The following TMEM131L variants were observed in gnomAD, a reference collection of about 807,000 sequenced individuals.
TMEM131L encodes transmembrane 131 like, also known as transmembrane protein 131-like.
In TMEM131L, 54 loss-of-function variants were observed where a neutral mutation model predicts 192.2. The ratio of observed to expected loss-of-function variants is 0.28; its 90% CI spans 0.23 to 0.35. TMEM131L has a LOEUF of 0.35. Among genes scored for constraint, TMEM131L ranks in the 10% least tolerant of loss-of-function variants. The probability of loss-of-function intolerance (pLI) is 1.00; values close to 1 mark genes in which losing one functional copy is unlikely to be tolerated. For synonymous variants in TMEM131L, 701 were observed against 704.9 expected (o/e 0.99, Z 0.09); for missense variants, 1,888 against 1,972.9 (o/e 0.96, Z 0.82).
chr4:153,636,631 G>T lies in TMEM131L; in HGVS notation c.*55G>T. 1 of 1,521,000 alleles carries T rather than the reference G, an allele frequency of 6.6e-7. No individual in the cohort carries two copies. Among genetic ancestry groups the T allele is most frequent in the South Asian group, 1.2e-5 (1 of 83,882 alleles). The allele number at this position is 1,521,000 out of a possible 1,614,324, so 94.2% of individuals were successfully genotyped here. The stretch of plus-strand genomic sequence containing the variant: ...AAAGAGGCTTGTGTTTTGATTACTA[G>T]TGTAAACTGGTTATTGAGATAGATT... On this transcript the variant is annotated 3_prime_UTR_variant, in exon 35 of 35. Coordinates refer to ENST00000409959, the MANE Select transcript of TMEM131L (RefSeq NM_001131007.2).
chr4:153,615,926 C>G (rs1732945017), intron 26 of TMEM131L, among the ~76,000 whole-genome samples: 1 of 152,112 alleles, frequency 6.6e-6, no homozygotes, highest in Non-Finnish European at 1.5e-5. Flanking sequence ...TTAGCTGTGC[C>G]CTTGGTTATG....
chr4:153,477,788 CTTTA>C (rs1361708799), intron 3 of TMEM131L, among the ~76,000 whole-genome samples: 1 of 152,074 alleles, frequency 6.6e-6, no homozygotes, highest in Non-Finnish European at 1.5e-5. Flanking sequence ...CACCTACTGG[CTTTA>C]TTTATTTTTT....
Position 153,555,736 on chromosome 4 carries a change from A to G in TMEM131L, c.309-51A>G, listed in dbSNP as rs1455643679. 6.7e-7 allele frequency: 1 copy of G among 1,487,388 alleles called. No homozygotes were observed. Among genetic ancestry groups the G allele is most frequent in the African/African-American group, 1.4e-5 (1 of 71,636 alleles). The allele number at this position is 1,487,388 out of a possible 1,614,324, so 92.1% of individuals were successfully genotyped here. On this transcript the variant is annotated intron_variant, in intron 4 of 34. Coordinates refer to ENST00000409959, the MANE Select transcript of TMEM131L (RefSeq NM_001131007.2). This position sits in a 1 kb window ranked among gnomAD's most constrained non-coding sequence, Gnocchi z 4.1. ...TAATAATACATATATATGTATGGTA[A>G]TATTTATAACCACACAATACATTGA...
intron 19 of TMEM131L, among the ~76,000 whole-genome samples, chr4:153,595,288 C>G (rs1731350543): frequency 6.6e-6 from 1 of 152,032 alleles, no homozygotes; most frequent in Non-Finnish European, 1.5e-5. Context: ...TTTTTATATA[C>G]CCTAAAAATG....
chr4:153,550,264 C>T (rs1375156342), intron 4 of TMEM131L, 123 bp downstream of exon 4: 2 of 468,912 alleles, frequency 4.3e-6, no homozygotes, highest in East Asian at 7.2e-5. Flanking sequence ...GGATATTGAT[C>T]CTGGGACTTA....
intron 3 of TMEM131L, among the ~76,000 whole-genome samples, chr4:153,521,791 T>C (rs979951616): frequency 1.4e-4 from 22 of 152,172 alleles, no homozygotes; most frequent in African/African-American, 5.1e-4. Flanking sequence ...TACTTGTCTT[T>C]TTAGGATTGG....
intron 2 of TMEM131L, among the ~76,000 whole-genome samples, chr4:153,473,063 C>G (rs975285840): frequency 1.3e-5 from 2 of 152,122 alleles, no homozygotes; most frequent in Non-Finnish European, 1.5e-5. Flanking sequence ...TAAATTGGAG[C>G]CCAGGTGCTT....
At chr4:153,517,236 A>G (rs905734095) in intron 3 of TMEM131L, among the ~76,000 whole-genome samples, 1 of 152,144 alleles carries the variant, frequency 6.6e-6, no homozygotes, top group Non-Finnish European at 1.5e-5. Flanking sequence ...TGTTTCCACC[A>G]TTGGACTTAT....
Position 153,550,149 on chromosome 4 carries a change from T to A in TMEM131L, c.308+8T>A. ...TTTAGATTTTGGAATACAGTAAGTA[T>A]CTTTTCTTTATAATTAAAACTCATT... On this transcript the variant is annotated splice_region_variant and intron_variant, in intron 4 of 34. Transcript: ENST00000409959. 1 of 1,205,976 alleles carries A rather than the reference T, an allele frequency of 8.3e-7. No individual in the cohort carries two copies. Among genetic ancestry groups the A allele is most frequent in the Non-Finnish European group, 1.1e-6 (1 of 871,864 alleles). The allele number at this position is 1,205,976 out of a possible 1,614,324, so 74.7% of individuals were successfully genotyped here. A position where few individuals can be genotyped will look rare whatever the true frequency, so the allele number is the denominator to read the frequency against.
At chr4:153,526,531 G>A (rs1735498872) in intron 3 of TMEM131L, among the ~76,000 whole-genome samples, 1 of 151,986 alleles carries the variant, frequency 6.6e-6, no homozygotes, top group Non-Finnish European at 1.5e-5. Context: ...TCAGGAGATT[G>A]AGACCATCCC....
chr4:153,502,038 A>T (rs1733648432), intron 3 of TMEM131L, among the ~76,000 whole-genome samples: 1 of 149,184 alleles, frequency 6.7e-6, no homozygotes, highest in Non-Finnish European at 1.5e-5. Flanking sequence ...TGCAACCTTA[A>T]CATTCAGGGC....
chr4:153,474,053 G>A (rs921538190), intron 3 of TMEM131L, among the ~76,000 whole-genome samples, 165 bp downstream of exon 3: 2 of 151,946 alleles, frequency 1.3e-5, no homozygotes, highest in East Asian at 1.9e-4. Flanking sequence ...ACATTAATAC[G>A]ATTTTGTTTT....
chr4:153,474,802 C>T (rs776832342), intron 3 of TMEM131L, among the ~76,000 whole-genome samples: 25 of 152,132 alleles, frequency 1.6e-4, no homozygotes, highest in Admixed American at 2.6e-4. Flanking sequence ...GTGATCCGCC[C>T]GACTTCGCCT....
chr4:153,542,670 C>A (rs544133319), intron 3 of TMEM131L, among the ~76,000 whole-genome samples: 1 of 152,336 alleles, frequency 6.6e-6, no homozygotes, highest in Non-Finnish European at 1.5e-5. Flanking sequence ...GTCATTGTTA[C>A]ATCACCTATG....
chr4:153,518,825 C>T (rs894713950), intron 3 of TMEM131L, among the ~76,000 whole-genome samples: 2 of 152,188 alleles, frequency 1.3e-5, no homozygotes, highest in East Asian at 3.8e-4. Flanking sequence ...GCACTTGTGA[C>T]TCCGGGGGAC....
At chr4:153,576,004 G>C (rs1729913259) in intron 7 of TMEM131L, among the ~76,000 whole-genome samples, 2 of 151,762 alleles carry the variant, frequency 1.3e-5, no homozygotes, top group Non-Finnish European at 1.5e-5. Context: ...CTGTTGCCCA[G>C]GTTGGAGTGC....
At chr4:153,573,299 A>G (rs1266164024) in intron 7 of TMEM131L, among the ~76,000 whole-genome samples, 1 of 152,260 alleles carries the variant, frequency 6.6e-6, no homozygotes, top group African/African-American at 2.4e-5. Context: ...AGCTGTGCCC[A>G]TGCTACTCAA....
chr4:153,594,584 C>T (rs13141035), intron 19 of TMEM131L, among the ~76,000 whole-genome samples: 40,639 of 152,128 alleles, frequency 0.27, 5,765 homozygotes, highest in Non-Finnish European at 0.33. Flanking sequence ...CTCACATATG[C>T]GGATAACTCT....
chr4:153,487,721 A>T (rs56145446), intron 3 of TMEM131L, among the ~76,000 whole-genome samples: 16,379 of 85,226 alleles, frequency 0.19, 1,683 homozygotes, highest in African/African-American at 0.46. Context: ...TGTGTGTGTG[A>T]GAGAGAGAGA....
Sources: allele counts gnomAD v4.1 joint callset (sites outside exome capture counted in the v4.1 genomes callset), GRCh38; gene constraint gnomAD v4.1.1; non-coding constraint Gnocchi (gnomAD v3.1); transcripts MANE v1.5; gene names NCBI Gene and HGNC (gene_info 2026-07-23, HGNC 2026-07-21).